DIP2C: variants seen among roughly 807,000 people sequenced by gnomAD.
DIP2C encodes the protein DIP2 acetate--CoA ligase C (putative).
DIP2C carries 33 observed loss-of-function variants against 192.4 expected under a neutral mutation model. The ratio of observed to expected loss-of-function variants is 0.17; its 90% CI spans 0.13 to 0.23. The LOEUF is 0.23. Ranked by LOEUF, DIP2C falls within the 10% of genes least tolerant of loss-of-function variation. DIP2C has a pLI of 1.00. For missense variants in DIP2C, 1,537 were observed against 2,110.1 expected (o/e 0.73, Z 5.32); for synonymous variants, 979 against 864.1 (o/e 1.13, Z -2.33).
intron 1 of DIP2C, among the ~76,000 whole-genome samples, chr10:508,355 C>T (rs957843430): frequency 3.9e-5 from 6 of 152,210 alleles, no homozygotes; most frequent in African/African-American, 1.4e-4. Context: ...TCAGCCCCTC[C>T]ATGTGTGCCC....
chr10:619,659 C>T (rs74115079), intron 1 of DIP2C, among the ~76,000 whole-genome samples: 16,177 of 152,026 alleles, frequency 0.11, 1,216 homozygotes, highest in African/African-American at 0.21. Context: ...CTCACCCACA[C>T]AGACCCCAGG....
At chr10:435,597 C>T (rs1442651599) in intron 4 of DIP2C, among the ~76,000 whole-genome samples, 1 of 152,192 alleles carries the variant, frequency 6.6e-6, no homozygotes, top group East Asian at 1.9e-4. Context: ...CACCTGTCCA[C>T]CCTATCTGGG....
intron 3 of DIP2C, among the ~76,000 whole-genome samples, chr10:455,249 G>A (rs1184835270): frequency 1.3e-5 from 2 of 152,174 alleles, no homozygotes; most frequent in Non-Finnish European, 2.9e-5. Flanking sequence ...CAGGAACAGT[G>A]AGTCCCTGCC....
intron 34 of DIP2C, among the ~76,000 whole-genome samples, chr10:284,370 C>G (rs1255392032): frequency 1.3e-5 from 2 of 152,122 alleles, no homozygotes; most frequent in African/African-American, 2.4e-5. Context: ...TCCTCTGTTC[C>G]CTAACACAAA....
chr10:667,973 CACA>C (rs1857205187), intron 1 of DIP2C: 1 of 152,076 alleles, frequency 6.6e-6, no homozygotes, highest in South Asian at 2.1e-4. Flanking sequence ...CAACTCACAA[CACA>C]ACATGCATGT....
intron 36 of DIP2C, among the ~76,000 whole-genome samples, chr10:280,215 T>C (rs1954742621): frequency 6.6e-6 from 1 of 152,170 alleles, no homozygotes. Flanking sequence ...AGTGTTCAAA[T>C]TCAGCAAATG....
chr10:570,607 C>G (rs1167841851), intron 1 of DIP2C, among the ~76,000 whole-genome samples: 1 of 152,188 alleles, frequency 6.6e-6, no homozygotes, highest in Non-Finnish European at 1.5e-5. Context: ...TCAAACCTCC[C>G]CTACCACCCG....
chr10:672,169 A>G (rs1441174842), intron 1 of DIP2C, among the ~76,000 whole-genome samples: 2 of 151,998 alleles, frequency 1.3e-5, no homozygotes, highest in Non-Finnish European at 2.9e-5. Flanking sequence ...AGACGCATGG[A>G]CGGAGGAAAC....
rs1212694108 is a variant in DIP2C, at chr10:337,785, A to T, written c.3584+3414T>A. Among the ~76,000 whole-genome samples the T allele has an allele frequency of 5.8e-4, 55 of 95,140 alleles. 1 individual carries two copies. Among genetic ancestry groups the T allele is most frequent in the African/African-American group, 2.2e-3 (51 of 23,652 alleles). The allele number at this position is 95,140 out of a possible 152,430, so 62.4% of individuals were successfully genotyped here. On this transcript the variant is annotated intron_variant, in intron 29 of 36. Coordinates refer to ENST00000280886, the MANE Select transcript of DIP2C (RefSeq NM_014974.3). ...GTGTGTGTTCTGTGAAGGCCTAGGC[A>T]GCTGTGTGTGTGCACGTGTGTCGTG...
intron 1 of DIP2C, among the ~76,000 whole-genome samples, chr10:523,624 CTGTG>C (rs1239168697): frequency 6.7e-6 from 1 of 148,870 alleles, no homozygotes. Flanking sequence ...TGCAGGGACT[CTGTG>C]TGACCCGCAC....
At chr10:592,512 G>A (rs1384004891) in intron 1 of DIP2C, among the ~76,000 whole-genome samples, 3 of 151,470 alleles carry the variant, frequency 2.0e-5, no homozygotes, top group Non-Finnish European at 4.4e-5. Context: ...GTACCAACTA[G>A]CATAAAGAAA....
intron 31 of DIP2C, chr10:325,107 T>A: frequency 2.8e-6 from 1 of 360,528 alleles, no homozygotes; most frequent in Non-Finnish European, 5.5e-6. Context: ...CTACTAAAAA[T>A]ACAAAAAATT....
chr10:348,311 C>T (rs939860390), intron 26 of DIP2C, among the ~76,000 whole-genome samples: 5 of 152,192 alleles, frequency 3.3e-5, no homozygotes, highest in African/African-American at 1.2e-4. Context: ...TGGAAAAAGC[C>T]CTGCCTCTTC....
At chr10:638,951 C>T (rs1270717411) in intron 1 of DIP2C, among the ~76,000 whole-genome samples, 1 of 152,266 alleles carries the variant, frequency 6.6e-6, no homozygotes, top group Non-Finnish European at 1.5e-5. Context: ...CAAAAGACCC[C>T]ACTGCCCTCC....
intron 1 of DIP2C, among the ~76,000 whole-genome samples, chr10:551,410 G>A (rs550676860): frequency 1.7e-4 from 26 of 152,308 alleles, no homozygotes; most frequent in African/African-American, 6.0e-4. Context: ...GGCTGTGGAA[G>A]GGGTCCAGGC....
intron 9 of DIP2C, among the ~76,000 whole-genome samples, chr10:407,656 T>G (rs1401127305): frequency 6.6e-6 from 1 of 152,216 alleles, no homozygotes; most frequent in Non-Finnish European, 1.5e-5. Flanking sequence ...ACTGAGGTTT[T>G]GCTTTGCTTT....
intron 9 of DIP2C, among the ~76,000 whole-genome samples, chr10:400,992 G>T (rs71493000): frequency 0.43 from 36,864 of 86,496 alleles, 8,254 homozygotes; most frequent in East Asian, 0.54. Context: ...TTTGGTATGT[G>T]TTCATCAGCA....
At chr10:605,319 C>CA (rs1196520263) in intron 1 of DIP2C, among the ~76,000 whole-genome samples, 3 of 152,176 alleles carry the variant, frequency 2.0e-5, no homozygotes, top group Non-Finnish European at 2.9e-5. Flanking sequence ...CGTGAGACTC[C>CA]AAATCTCAAT....
At chr10:430,623 G>C (rs1028067365) in intron 4 of DIP2C, 9 of 152,144 alleles carry the variant, frequency 5.9e-5, no homozygotes, top group African/African-American at 2.2e-4. Context: ...CCTGTCTGTG[G>C]CTTGTATTTT....
Sources: allele counts gnomAD v4.1 joint callset (sites outside exome capture counted in the v4.1 genomes callset), GRCh38; gene constraint gnomAD v4.1.1; transcripts MANE v1.5; gene names NCBI Gene and HGNC (gene_info 2026-07-23, HGNC 2026-07-21).